The following GFM1 variants were observed in gnomAD, a reference collection of about 807,000 sequenced individuals.
GFM1 encodes the protein G elongation factor mitochondrial 1.
In GFM1, 62 loss-of-function variants were observed where a neutral mutation model predicts 96.2. The ratio of observed to expected loss-of-function variants is 0.64; its 90% CI spans 0.53 to 0.80. The LOEUF is 0.80. Among genes scored for constraint, GFM1 ranks in the 30% least tolerant of loss-of-function variants. The pLI, the probability that GFM1 is intolerant of heterozygous loss-of-function variation, is 0.00. For synonymous variants in GFM1, 282 were observed against 312.9 expected (o/e 0.90, Z 1.04); for missense variants, 852 against 916.6 (o/e 0.93, Z 0.91).
At chr3:158,677,651 T>C (rs1298822156) in intron 13 of GFM1, among the ~76,000 whole-genome samples, 1 of 152,140 alleles carries the variant, frequency 6.6e-6, no homozygotes, top group Non-Finnish European at 1.5e-5. Flanking sequence ...ATTACAGGCA[T>C]CTGCCACCAT....
chr3:158,660,886 G>T lies in GFM1; in HGVS notation c.1234G>T (p.Val412Leu), dbSNP rs773648811. ...TTTGTTTTTTTAGGATGTTGAGGAA[G>T]TATATGCCGGAGACATCTGTGCATT... ...HADMMEDVEE[V>L]YAGDICALFG... Residue 412 changes from valine to leucine, a missense_variant, in exon 10 of 18, where the codon GTA becomes TTA. By Grantham distance (32) the Val-to-Leu change is conservative (BLOSUM62 1). Transcript: ENST00000486715. 1.2e-6 allele frequency: 2 copies of T among 1,613,568 alleles called. No homozygotes were observed. Among genetic ancestry groups the T allele is most frequent in the East Asian group, 2.2e-5 (1 of 44,874 alleles).
intron 13 of GFM1, chr3:158,672,349 C>A (rs140777519): frequency 6.2e-7 from 1 of 1,613,730 alleles, no homozygotes; most frequent in East Asian, 2.2e-5. Flanking sequence ...GCTAAACTCA[C>A]CTCCATGCTG....
At chr3:158,657,337 A>G (rs967371593) in intron 8 of GFM1, 4 of 152,260 alleles carry the variant, frequency 2.6e-5, no homozygotes, top group Admixed American at 6.5e-5. Context: ...AAAGGCATAG[A>G]ATGTTTTCAT....
In GFM1 at chr3:158,654,553, A is replaced by G. The variant is rs1178047853; in HGVS notation, c.1005A>G (p.Ser335=). 6.3e-7 allele frequency: 1 copy of G among 1,598,426 alleles called. No individual in the cohort carries two copies. The highest frequency in any genetic ancestry group is 2.2e-5 in the East Asian group (1 of 44,724). Residue 335 remains serine (S), a synonymous_variant, in exon 8 of 18, where the codon TCA becomes TCG. Coordinates refer to ENST00000486715, the MANE Select transcript of GFM1 (RefSeq NM_024996.7). ...NYAILNKEDD[S]KEKTKILMNS... ...ATATTTCTTTTATTTTAAGTGACTCAAAAGAGAAAACCAAAATCCTAATGA... is the reference window on the plus strand; with the variant it reads ...ATATTTCTTTTATTTTAAGTGACTCGAAAGAGAAAACCAAAATCCTAATGA...
intron 16 of GFM1, among the ~76,000 whole-genome samples, chr3:158,690,749 A>G (rs749536098): frequency 6.6e-6 from 1 of 152,186 alleles, no homozygotes; most frequent in Non-Finnish European, 1.5e-5. Flanking sequence ...TACATTTCAT[A>G]AGGCCTCCTG....
chr3:158,671,124 G>A, intron 13 of GFM1: 2 of 1,296,428 alleles, frequency 1.5e-6, no homozygotes, highest in East Asian at 6.1e-5. Context: ...TGGCTGAAGG[G>A]GAATGGTGAA....
intron 5 of GFM1, chr3:158,650,033 C>T (rs1406395514): frequency 1.3e-6 from 2 of 1,535,894 alleles, no homozygotes; most frequent in East Asian, 2.4e-5. Flanking sequence ...CCTTCCTCTG[C>T]TATGGAATTG....
intron 11 of GFM1, among the ~76,000 whole-genome samples, chr3:158,663,312 T>C (rs139994150): frequency 5.0e-4 from 76 of 152,366 alleles, no homozygotes; most frequent in Non-Finnish European, 9.3e-4. Context: ...CCATAACTTT[T>C]TAGTTCTTAA....
At chr3:158,676,559 CTTAA>C (rs1007488194) in intron 13 of GFM1, among the ~76,000 whole-genome samples, 19 of 151,808 alleles carry the variant, frequency 1.3e-4, no homozygotes, top group African/African-American at 3.6e-4. Flanking sequence ...AATTAAAAAC[CTTAA>C]TTATATTTTC....
At chr3:158,687,017 T>A (rs1725919233) in intron 15 of GFM1, among the ~76,000 whole-genome samples, 1 of 151,874 alleles carries the variant, frequency 6.6e-6, no homozygotes, top group East Asian at 1.9e-4. Context: ...ACTTTTCTAT[T>A]TTTGAGACAG....
At chr3:158,654,442 C>A in intron 7 of GFM1, 105 bp from the exon 8 acceptor site, 3 of 716,622 alleles carry the variant, frequency 4.2e-6, no homozygotes, top group Non-Finnish European at 7.2e-6. Context: ...CAGTAATATC[C>A]CACACACGTG....
intron 13 of GFM1, among the ~76,000 whole-genome samples, chr3:158,668,179 A>G (rs1040902394): frequency 2.0e-5 from 3 of 152,192 alleles, no homozygotes; most frequent in Admixed American, 6.5e-5. Flanking sequence ...ACCAAAATGC[A>G]CGGATGCCCA....
At chr3:158,650,116 C>G in intron 5 of GFM1, 2 of 1,403,438 alleles carry the variant, frequency 1.4e-6, no homozygotes, top group Non-Finnish European at 2.0e-6. Context: ...CATCAGCCAT[C>G]TTGTAAGCAG....
rs140205573 is a variant in GFM1 at position 158,689,581 on chromosome 3, C to G, written c.1910-582C>G. Reference sequence around the variant, plus strand: ...CACAAGAAAGAATGGGTTTATCCAGCCTGGCCAACATGTCGAAAGCCTGTG... The same window carrying G: ...CACAAGAAAGAATGGGTTTATCCAGGCTGGCCAACATGTCGAAAGCCTGTG... On this transcript the variant is annotated intron_variant, in intron 15 of 17. Coordinates refer to ENST00000486715, the MANE Select transcript of GFM1 (RefSeq NM_024996.7). Among the ~76,000 whole-genome samples the G allele has an allele frequency of 1.7e-4, 26 of 152,068 alleles. No homozygotes were observed. The East Asian group carries it at 5.0e-3, about 29-fold the overall frequency.
intron 12 of GFM1, 61 bp downstream of exon 12, chr3:158,665,535 T>G: frequency 7.2e-7 from 1 of 1,393,446 alleles, no homozygotes; most frequent in Non-Finnish European, 1.0e-6. Context: ...TCATTAAAAG[T>G]CAATAATTCT....
In GFM1 at chr3:158,645,764, A is replaced by G; in HGVS notation, c.217A>G (p.Ile73Val). 1 of 1,612,914 alleles carries G rather than the reference A, an allele frequency of 6.2e-7. No individual in the cohort carries two copies. The highest frequency in any genetic ancestry group is 8.5e-7 in the Non-Finnish European group (1 of 1,178,850). Residue 73 changes from isoleucine to valine, a missense_variant, in exon 2 of 18, where the codon ATT becomes GTT. Coordinates refer to ENST00000486715, the MANE Select transcript of GFM1 (RefSeq NM_024996.7). ...ACGAGTCCTTTACTACACTGGCAGA[A>G]TTGCAAAGATGCATGAGGTATATAT... Reference protein sequence around the residue: ...TERVLYYTGRIAKMHEVKGKD... With the variant: ...TERVLYYTGRVAKMHEVKGKD...
At chr3:158,650,391 A>G (rs1722192739) in intron 5 of GFM1, 1 of 258,736 alleles carries the variant, frequency 3.9e-6, no homozygotes, top group African/African-American at 2.2e-5. Context: ...ACTTTCCCAG[A>G]ATTACCAAGG....
intron 13 of GFM1, among the ~76,000 whole-genome samples, chr3:158,674,107 G>A (rs1299992828): frequency 1.2e-4 from 17 of 144,384 alleles, no homozygotes; most frequent in Admixed American, 4.9e-4. Context: ...TGGAGACAGA[G>A]TTTCGCTCTG....
intron 13 of GFM1, chr3:158,671,096 T>G (rs1456023461): frequency 2.9e-6 from 4 of 1,357,140 alleles, no homozygotes; most frequent in Non-Finnish European, 3.8e-6. Context: ...AGTATGCATC[T>G]CATTTGGTTG....
Sources: allele counts gnomAD v4.1 joint callset (sites outside exome capture counted in the v4.1 genomes callset), GRCh38; gene constraint gnomAD v4.1.1; transcripts MANE v1.5; gene names NCBI Gene and HGNC (gene_info 2026-07-23, HGNC 2026-07-21).